Variants in ORC5 observed in about 807,000 individuals in gnomAD.
ORC5 encodes the protein protein phosphatase 1, regulatory subunit 117.
A neutral mutation model predicts 58.8 loss-of-function variants in ORC5; 39 were observed. The ratio of observed to expected loss-of-function variants is 0.66; its 90% CI spans 0.51 to 0.87. The LOEUF (loss-of-function observed/expected upper bound fraction) is 0.87. Ranked by LOEUF, ORC5 falls within the 40% of genes least tolerant of loss-of-function variation. ORC5 has a pLI of 0.00. For synonymous variants in ORC5, 218 were observed against 177.6 expected (o/e 1.23, Z -1.81); for missense variants, 493 against 506.3 (o/e 0.97, Z 0.25).
At chr7:104,197,581 A>G (rs544850793) in intron 4 of ORC5, 144 bp downstream of exon 4, 1 of 535,378 alleles carries the variant, frequency 1.9e-6, no homozygotes, top group Admixed American at 4.0e-5. Context: ...TGAAAAAAAC[A>G]CTGAGCTTTA....
At chr7:104,171,776 C>T (rs2299410) in intron 8 of ORC5, among the ~76,000 whole-genome samples, 21,899 of 152,032 alleles carry the variant, frequency 0.14, 1,958 homozygotes, top group East Asian at 0.22. Flanking sequence ...ATCACCTGGA[C>T]CTAGGGAGGT....
rs189345662 is a variant in ORC5, at chr7:104,129,449, C to T, written c.1263-2556G>A. Among the ~76,000 whole-genome samples the T allele has an allele frequency of 3.3e-4, 50 of 152,250 alleles. No individual in the cohort carries two copies. The highest frequency in any genetic ancestry group is 6.6e-4 in the Non-Finnish European group (45 of 68,022). ...TCATTCCTTTAAGAAACATTTACTT[C>T]CCAAGATGTATCACTATCTCTACCA... is the stretch of plus-strand genomic sequence containing the variant. On this transcript the variant is annotated intron_variant, in intron 13 of 13. Coordinates refer to ENST00000297431, the MANE Select transcript of ORC5 (RefSeq NM_002553.4). This position sits in a 1 kb window ranked among gnomAD's most constrained non-coding sequence, Gnocchi z 4.9.
intron 8 of ORC5, among the ~76,000 whole-genome samples, chr7:104,169,910 A>C (rs1799180420): frequency 6.6e-6 from 1 of 152,132 alleles, no homozygotes; most frequent in South Asian, 2.1e-4. Context: ...TTTGGAGCTA[A>C]GCTTAATTAA....
At chr7:104,134,398 G>C (rs1226911319) in intron 13 of ORC5, among the ~76,000 whole-genome samples, 1 of 109,926 alleles carries the variant, frequency 9.1e-6, no homozygotes, top group African/African-American at 3.7e-5. Flanking sequence ...CTGGGCGACA[G>C]AGCAAGACAC....
chr7:104,203,204 T>A (rs925911383), intron 2 of ORC5, among the ~76,000 whole-genome samples: 3 of 152,206 alleles, frequency 2.0e-5, no homozygotes, highest in Non-Finnish European at 4.4e-5. Flanking sequence ...TATGCTATCC[T>A]AAACGTGCAT....
chr7:104,156,802 A>G (rs922181388), intron 12 of ORC5, among the ~76,000 whole-genome samples: 1 of 151,972 alleles, frequency 6.6e-6, no homozygotes, highest in African/African-American at 2.4e-5. Flanking sequence ...CATTTTCATA[A>G]AAGTGTAAAT....
At position 104,205,086 on chromosome 7, in the gene ORC5, CT is replaced by C. The variant is rs10672012; in HGVS notation, c.73-853del. The stretch of plus-strand genomic sequence containing the variant: ...GAAAACTTGATTTTTTAATAATACT[CT>C]TTTTTTTTTTTTTTTTTTTTGAGAT... On this transcript the variant is annotated intron_variant, in intron 1 of 13. Transcript: ENST00000297431. 8.1e-4 allele frequency among the ~76,000 whole-genome samples: 81 copies of C among 99,442 alleles called. 1 individual carries two copies. The highest frequency in any genetic ancestry group is 4.2e-3 in the Admixed American group (35 of 8,294). The allele number at this position is 99,442 out of a possible 152,430, so 65.2% of individuals were successfully genotyped here. A position where few individuals can be genotyped will look rare whatever the true frequency, so the allele number is the denominator to read the frequency against.
intron 8 of ORC5, among the ~76,000 whole-genome samples, chr7:104,179,354 G>C (rs1799388982): frequency 6.6e-6 from 1 of 152,236 alleles, no homozygotes; most frequent in East Asian, 1.9e-4. Context: ...AGCATGTCAT[G>C]GATGGTTTAC....
At chr7:104,153,202 C>T (rs926178659) in intron 12 of ORC5, among the ~76,000 whole-genome samples, 6 of 152,082 alleles carry the variant, frequency 3.9e-5, no homozygotes, top group Admixed American at 2.0e-4. Context: ...TTACTCTTTG[C>T]AAACATGAAA....
At chr7:104,156,405 C>T (rs900694070) in intron 12 of ORC5, among the ~76,000 whole-genome samples, 3 of 151,446 alleles carry the variant, frequency 2.0e-5, no homozygotes, top group African/African-American at 7.3e-5. Flanking sequence ...CAGAATAATG[C>T]CAACTACAAT....
At chr7:104,180,847 ATCATCAAATT>A (rs1023685090) in intron 8 of ORC5, among the ~76,000 whole-genome samples, 7 of 152,216 alleles carry the variant, frequency 4.6e-5, no homozygotes, top group African/African-American at 1.7e-4. Flanking sequence ...TGCCACAAAA[ATCATCAAATT>A]TCCTTGTCAA....
intron 5 of ORC5, among the ~76,000 whole-genome samples, chr7:104,191,696 A>G (rs1045206766): frequency 1.3e-5 from 2 of 152,118 alleles, no homozygotes; most frequent in African/African-American, 4.8e-5. Context: ...CAGCTCTAAC[A>G]GTCTAGGACT....
chr7:104,146,759 A>C (rs1379975022), intron 12 of ORC5, among the ~76,000 whole-genome samples: 2 of 152,200 alleles, frequency 1.3e-5, no homozygotes, highest in African/African-American at 4.8e-5. Flanking sequence ...TGCACAGGAT[A>C]AAATTTCATA....
In ORC5 at chr7:104,195,211, C is replaced by A; in HGVS notation, c.485G>T (p.Trp162Leu). Reference protein sequence around the residue: ...VTVLFLSEIVWEKFRPNTGCF... With the variant: ...VTVLFLSEIVLEKFRPNTGCF... ...TCCAGTATTTGGACGAAACTTTTCC[C>A]AAACAATTTCACTGAGAAAGAGAAC... The change falls in exon 5 of 14, where the codon TGG becomes TTG. Residue 162 changes from tryptophan (W) to leucine (L), a missense_variant. This residue lies in a region of ORC5 where 412 missense variants were observed against 403.7 expected (regional missense o/e 1.02). Transcript: ENST00000297431. The A allele has an allele frequency of 6.4e-7, 1 of 1,572,914 alleles. No individual in the cohort carries two copies. Among genetic ancestry groups the A allele is most frequent in the Admixed American group, 2.0e-5 (1 of 50,568 alleles).
intron 11 of ORC5, among the ~76,000 whole-genome samples, chr7:104,164,655 A>G (rs1799077586): frequency 6.6e-6 from 1 of 152,220 alleles, no homozygotes. Context: ...ACAAAGTGGA[A>G]GAAGTGATCT....
intron 9 of ORC5, 200 bp downstream of exon 9, chr7:104,168,273 T>C: frequency 8.6e-7 from 1 of 1,156,434 alleles, no homozygotes; most frequent in Non-Finnish European, 1.1e-6. Context: ...AAAGCTGGTA[T>C]TCAAACTTTT....
rs1472418729 is a variant in ORC5 at position 104,207,979 on chromosome 7, T to C, written c.-75A>G. On this transcript the variant is annotated 5_prime_UTR_variant, in exon 1 of 14. Transcript: ENST00000297431. ...TGCACAAGACGGAGCCTCTCCCGAG[T>C]CTGGCGGCCCACGCTCCCGCCGGAA... 3 of 1,404,654 alleles carry C rather than the reference T, an allele frequency of 2.1e-6. No homozygotes were observed. Among genetic ancestry groups the C allele is most frequent in the South Asian group, 1.2e-5 (1 of 85,374 alleles). 87.0% of individuals were successfully genotyped at this position (1,404,654 alleles called of 1,614,324 possible).
chr7:104,137,109 T>G (rs1345467925), intron 12 of ORC5, among the ~76,000 whole-genome samples: 4 of 151,514 alleles, frequency 2.6e-5, no homozygotes, highest in South Asian at 2.1e-4. Context: ...TTTGTTTTTT[T>G]TTTTTTTCTT....
At chr7:104,162,159 T>C (rs1348347914) in intron 11 of ORC5, among the ~76,000 whole-genome samples, 2 of 152,186 alleles carry the variant, frequency 1.3e-5, no homozygotes, top group African/African-American at 4.8e-5. Flanking sequence ...GCAGATAATT[T>C]TAATAGCCAA....
Sources: allele counts gnomAD v4.1 joint callset (sites outside exome capture counted in the v4.1 genomes callset), GRCh38; gene constraint gnomAD v4.1.1; regional missense constraint gnomAD v4.1.1; non-coding constraint Gnocchi (gnomAD v3.1); transcripts MANE v1.5; gene names NCBI Gene and HGNC (gene_info 2026-07-23, HGNC 2026-07-21).